IKZF1: variants seen among roughly 807,000 people sequenced by gnomAD.
IKZF1 encodes the protein IKAROS family zinc finger 1.
In IKZF1, 10 loss-of-function variants were observed where a neutral mutation model predicts 51.7. The observed-to-expected ratio is 0.19, with a 90% CI of 0.12 to 0.33. The LOEUF (loss-of-function observed/expected upper bound fraction) is 0.33. Among genes scored for constraint, IKZF1 ranks in the 10% least tolerant of loss-of-function variants. IKZF1 has a pLI of 1.00. For missense variants in IKZF1, 484 were observed against 707.5 expected (o/e 0.68, Z 3.58); for synonymous variants, 280 against 282.3 (o/e 0.99, Z 0.08).
chr7:50,400,424 A>C lies in IKZF1; in HGVS notation c.1357A>C (p.Ser453Arg), dbSNP rs748892029. ...CTCGCAGGACGCGCTCCGCGTGGTC[A>C]GCACCAGCGGGGAGCAGATGAAGGT... ...ENSQDALRVVSTSGEQMKVYK... is the reference protein window; with the variant it reads ...ENSQDALRVVRTSGEQMKVYK... Residue 453 changes from serine (S) to arginine (R), a missense_variant, in exon 8 of 8, where the codon AGC becomes CGC. Ser to Arg is a moderately radical substitution (Grantham distance 110, BLOSUM62 -1). Coordinates refer to ENST00000331340, the MANE Select transcript of IKZF1 (RefSeq NM_006060.6). This position sits in a 1 kb window ranked among gnomAD's most constrained non-coding sequence, Gnocchi z 5.4. 1.9e-6 allele frequency: 3 copies of C among 1,613,890 alleles called. No homozygotes were observed. In the East Asian group the frequency reaches 6.7e-5, roughly 36 times the overall value.
chr7:50,349,009 G>T (rs1276801348), intron 3 of IKZF1, among the ~76,000 whole-genome samples: 1 of 152,170 alleles, frequency 6.6e-6, no homozygotes, highest in Admixed American at 6.5e-5. Flanking sequence ...CCAGCCTCCT[G>T]CTTGGTCATG....
At chr7:50,369,651 TGC>T in intron 3 of IKZF1, 1 of 398,472 alleles carries the variant, frequency 2.5e-6, no homozygotes, top group Non-Finnish European at 4.4e-6. Context: ...TTGCCCCCTT[TGC>T]CCTCAACACC....
chr7:50,393,021 C>T (rs960378646), intron 7 of IKZF1, among the ~76,000 whole-genome samples: 21 of 152,240 alleles, frequency 1.4e-4, no homozygotes, highest in Admixed American at 1.4e-3. Flanking sequence ...TTCATTCAGT[C>T]AGCAGGAAAG....
intron 5 of IKZF1, among the ~76,000 whole-genome samples, chr7:50,383,929 T>C (rs142756863): frequency 0.028 from 4,212 of 152,354 alleles, 96 homozygotes; most frequent in Non-Finnish European, 0.046. Context: ...CATCTCTTTA[T>C]CACACATTTA....
At chr7:50,338,322 A>G (rs1456148801) in intron 3 of IKZF1, among the ~76,000 whole-genome samples, 2 of 152,246 alleles carry the variant, frequency 1.3e-5, no homozygotes, top group African/African-American at 4.8e-5. Context: ...TAGAAAATAA[A>G]GAGATCCTTA....
chr7:50,329,062 G>A (rs1795803622), intron 3 of IKZF1: 1 of 124,506 alleles, frequency 8.0e-6, no homozygotes, highest in South Asian at 2.5e-4. Flanking sequence ...GACAGAGCCA[G>A]ACTCCATCTC....
At chr7:50,361,842 C>T (rs1393288662) in intron 3 of IKZF1, among the ~76,000 whole-genome samples, 1 of 152,102 alleles carries the variant, frequency 6.6e-6, no homozygotes, top group African/African-American at 2.4e-5. Flanking sequence ...TGCCACTGCA[C>T]TCCAGCCTGG....
intron 3 of IKZF1, among the ~76,000 whole-genome samples, chr7:50,336,015 G>T (rs1797690377): frequency 1.3e-5 from 2 of 152,090 alleles, no homozygotes; most frequent in Non-Finnish European, 2.9e-5. Flanking sequence ...CAGCTGCACT[G>T]ATATCATCAT....
chr7:50,403,750 C>T lies in IKZF1; in HGVS notation c.*3123C>T, dbSNP rs1427557971. On this transcript the variant is annotated 3_prime_UTR_variant, in exon 8 of 8. Transcript: ENST00000331340. ...CCACATAATAAAATCTTAGAATCTT[C>T]CTTGAGAAAGAGCTGCCTGAGATGT... The T allele has an allele frequency of 8.7e-6, 2 of 228,716 alleles. No homozygotes were observed. Among genetic ancestry groups the T allele is most frequent in the African/African-American group, 4.4e-5 (2 of 45,048 alleles). The allele number at this position is 228,716 out of a possible 1,614,324, so 14.2% of individuals were successfully genotyped here.
chr7:50,324,172 T>C (rs1387207825), intron 2 of IKZF1, among the ~76,000 whole-genome samples: 1 of 152,210 alleles, frequency 6.6e-6, no homozygotes, highest in Non-Finnish European at 1.5e-5. Context: ...ATACTGTGCC[T>C]ATCATGATGG....
At chr7:50,356,167 G>A (rs59005257) in intron 3 of IKZF1, among the ~76,000 whole-genome samples, 2,373 of 152,256 alleles carry the variant, frequency 0.016, 60 homozygotes, top group African/African-American at 0.052. Context: ...TCCACTTTGC[G>A]TCTCAGCCCT....
chr7:50,352,009 T>G (rs1270630388), intron 3 of IKZF1, among the ~76,000 whole-genome samples: 1 of 152,264 alleles, frequency 6.6e-6, no homozygotes, highest in African/African-American at 2.4e-5. Context: ...ATAAACCCCT[T>G]AAGCAGAGAA....
In IKZF1 at chr7:50,400,858, T is replaced by G; in HGVS notation, c.*231T>G. The G allele has an allele frequency of 1.7e-6, 1 of 576,996 alleles. No homozygotes were observed. The highest frequency in any genetic ancestry group is 3.0e-6 in the Non-Finnish European group (1 of 333,054). The allele number at this position is 576,996 out of a possible 1,614,324, so 35.7% of individuals were successfully genotyped here. On this transcript the variant is annotated 3_prime_UTR_variant, in exon 8 of 8. Transcript: ENST00000331340. The surrounding 1 kb of genome is among the most constrained non-coding windows in gnomAD (Gnocchi z 5.4). Reference sequence around the variant, plus strand: ...CTGCATTGGGAGCATCCAGAACTGCTACCTTCCTAGATGTTTCCCCAGACC... The same window carrying G: ...CTGCATTGGGAGCATCCAGAACTGCGACCTTCCTAGATGTTTCCCCAGACC...
In IKZF1 at chr7:50,382,716, C is replaced by A; in HGVS notation, c.589+9C>A. On this transcript the variant is annotated intron_variant, in intron 5 of 7. Transcript: ENST00000331340. ...CCTGAGGACGCACTCCGGTAGGTCCCCTGGATGCAGTCCGGGGCTGTCTGG... is the reference window on the plus strand; with the variant it reads ...CCTGAGGACGCACTCCGGTAGGTCCACTGGATGCAGTCCGGGGCTGTCTGG... 1 of 1,602,242 alleles carries A rather than the reference C, an allele frequency of 6.2e-7. No individual in the cohort carries two copies. Among genetic ancestry groups the A allele is most frequent in the Admixed American group, 1.7e-5 (1 of 59,782 alleles).
intron 5 of IKZF1, among the ~76,000 whole-genome samples, chr7:50,384,826 C>A (rs184910575): frequency 1.3e-5 from 2 of 152,242 alleles, no homozygotes; most frequent in Non-Finnish European, 2.9e-5. Flanking sequence ...AGCACCACTT[C>A]CCATGTCAGT....
At chr7:50,386,594 T>C (rs1196767789) in intron 5 of IKZF1, among the ~76,000 whole-genome samples, 1 of 152,102 alleles carries the variant, frequency 6.6e-6, no homozygotes, top group Non-Finnish European at 1.5e-5. Context: ...TGTATATGTA[T>C]ATGAGAATAC....
chr7:50,377,039 A>G (rs1470461266), intron 4 of IKZF1: 5 of 595,876 alleles, frequency 8.4e-6, no homozygotes, highest in Non-Finnish European at 1.4e-5. Context: ...AGTGAACAGC[A>G]TCACATGAGA....
rs529376108 is a variant in IKZF1, at chr7:50,402,749, G to A, written c.*2122G>A. ...TGGAGTTTACAAAGATACCATTCTTGAGTCATGGATTTCTCTGCTCACAGA... is the reference window on the plus strand; with the variant it reads ...TGGAGTTTACAAAGATACCATTCTTAAGTCATGGATTTCTCTGCTCACAGA... On this transcript the variant is annotated 3_prime_UTR_variant, in exon 8 of 8. Coordinates refer to ENST00000331340, the MANE Select transcript of IKZF1 (RefSeq NM_006060.6). The A allele has an allele frequency of 6.1e-5, 14 of 229,894 alleles. No homozygotes were observed. The highest frequency in any genetic ancestry group is 1.0e-4 in the Non-Finnish European group (12 of 115,932). 14.2% of individuals were successfully genotyped at this position (229,894 alleles called of 1,614,324 possible). A position where few individuals can be genotyped will look rare whatever the true frequency, so the allele number is the denominator to read the frequency against.
At chr7:50,339,215 T>TTGTGTGTGTGTG (rs1158908841) in intron 3 of IKZF1, among the ~76,000 whole-genome samples, 2,061 of 126,410 alleles carry the variant, frequency 0.016, 30 homozygotes, top group South Asian at 0.03. Flanking sequence ...TTGGGTAGGG[T>TTGTGTGTGTGTG]TGTGTGTGTG....
Sources: gnomAD v4.1 joint callset for allele counts (sites outside exome capture counted in the v4.1 genomes callset) on GRCh38, gnomAD v4.1.1 for gene constraint, Gnocchi (gnomAD v3.1) non-coding constraint, MANE v1.5 for transcripts, NCBI Gene and HGNC (gene_info 2026-07-23, HGNC 2026-07-21) for gene names.